Variants in EGLN3 observed in about 807,000 individuals in gnomAD.
EGLN3 encodes the protein egl-9 family hypoxia inducible factor 3.
A neutral mutation model predicts 26.0 loss-of-function variants in EGLN3; 15 were observed. The ratio of observed to expected loss-of-function variants is 0.58; its 90% CI spans 0.39 to 0.89. The LOEUF (loss-of-function observed/expected upper bound fraction) is 0.89. Ranked by LOEUF, EGLN3 falls within the 40% of genes least tolerant of loss-of-function variation. EGLN3 has a pLI of 0.00. For synonymous variants in EGLN3, 147 were observed against 127.2 expected (o/e 1.16, Z -1.05); for missense variants, 238 against 311.6 (o/e 0.76, Z 1.78).
At chr14:33,932,994 TC>T (rs1278770864) in intron 1 of EGLN3, among the ~76,000 whole-genome samples, 1 of 152,178 alleles carries the variant, frequency 6.6e-6, no homozygotes, top group Non-Finnish European at 1.5e-5. Context: ...CAGGCTGGAT[TC>T]CCTATTATCT....
intron 4 of EGLN3, among the ~76,000 whole-genome samples, chr14:33,926,379 C>G (rs2064362570): frequency 6.6e-6 from 1 of 152,138 alleles, no homozygotes; most frequent in South Asian, 2.1e-4. Context: ...TGCTAGTGAG[C>G]AATGTGACTC....
At chr14:33,944,559 A>C (rs1170226143) in intron 1 of EGLN3, among the ~76,000 whole-genome samples, 1 of 152,222 alleles carries the variant, frequency 6.6e-6, no homozygotes, top group African/African-American at 2.4e-5. Context: ...CTAGCCCTAA[A>C]AACCCATATT....
intron 1 of EGLN3, chr14:33,949,008 A>G (rs1594386917): frequency 1.3e-5 from 2 of 152,376 alleles, no homozygotes; most frequent in East Asian, 3.9e-4. Flanking sequence ...AGAAGAATAA[A>G]GAAACACTTT....
rs560209384 is a variant in EGLN3 at position 33,937,312 on chromosome 14, C to T, written c.358-6097G>A. ...CATGAAGAAAATAGTTGTAAGCAAA[C>T]GTGAGCTCTTAGAAAAGTAAGAAAT... On this transcript the variant is annotated intron_variant, in intron 1 of 4. Coordinates refer to ENST00000250457, the MANE Select transcript of EGLN3 (RefSeq NM_022073.4). Among the ~76,000 whole-genome samples, 10 of 152,330 alleles carry T rather than the reference C, an allele frequency of 6.6e-5. No homozygotes were observed. In the East Asian group the frequency reaches 1.7e-3, roughly 26 times the overall value.
At chr14:33,935,948 G>A (rs1397629789) in intron 1 of EGLN3, among the ~76,000 whole-genome samples, 2 of 152,058 alleles carry the variant, frequency 1.3e-5, no homozygotes, top group Non-Finnish European at 2.9e-5. Flanking sequence ...GTAAAGAGTT[G>A]GGGGCTGGGC....
intron 1 of EGLN3, among the ~76,000 whole-genome samples, chr14:33,939,972 C>T (rs920304770): frequency 6.6e-6 from 1 of 152,180 alleles, no homozygotes; most frequent in African/African-American, 2.4e-5. Context: ...CTACCTCATC[C>T]TTGCCTATCA....
chr14:33,933,779 C>T (rs1180019213), intron 1 of EGLN3, among the ~76,000 whole-genome samples: 5 of 151,808 alleles, frequency 3.3e-5, no homozygotes, highest in Admixed American at 6.6e-5. Flanking sequence ...AATTTGTGCA[C>T]GGGGCAGTAA....
rs11156820 is a variant in EGLN3, at chr14:33,939,216, T to G, written c.358-8001A>C. Among the ~76,000 whole-genome samples, 359 of 134,758 alleles carry G rather than the reference T, an allele frequency of 2.7e-3. 4 individuals carry two copies. The highest frequency in any genetic ancestry group is 7.2e-3 in the Middle Eastern group (2 of 278). 88.4% of individuals were successfully genotyped at this position (134,758 alleles called of 152,430 possible). A position where few individuals can be genotyped will look rare whatever the true frequency, so the allele number is the denominator to read the frequency against. On this transcript the variant is annotated intron_variant, in intron 1 of 4. Coordinates refer to ENST00000250457, the MANE Select transcript of EGLN3 (RefSeq NM_022073.4). ...TGCCTTGAAACAATCATCTTTTTTT[T>G]TTTTTCTTTTTTGAGACGGAGTCTC...
chr14:33,930,057 C>T (rs1378032103), intron 2 of EGLN3, among the ~76,000 whole-genome samples: 1 of 152,196 alleles, frequency 6.6e-6, no homozygotes, highest in African/African-American at 2.4e-5. Flanking sequence ...TTTTACATGT[C>T]AACCTATTTC....
intron 1 of EGLN3, among the ~76,000 whole-genome samples, chr14:33,936,974 C>A (rs555308765): frequency 3.8e-4 from 58 of 152,342 alleles, no homozygotes; most frequent in African/African-American, 1.4e-3. Flanking sequence ...ACTACTTCAA[C>A]CTTCTATCAT....
chr14:33,931,217 T>G lies in EGLN3; in HGVS notation c.358-2A>C. On this transcript the variant is annotated splice_acceptor_variant, in intron 1 of 4. Coordinates refer to ENST00000250457, the MANE Select transcript of EGLN3 (RefSeq NM_022073.4). LOFTEE classifies it high-confidence loss of function. ...TCCCGGATAGCAAGCCACCATTGCC[T>G]ATGGAGAAATCCCAAGAAAGCTGGT... 6.2e-7 allele frequency: 1 copy of G among 1,614,120 alleles called. No individual in the cohort carries two copies. The highest frequency in any genetic ancestry group is 8.5e-7 in the Non-Finnish European group (1 of 1,179,992).
chr14:33,932,432 C>CGTTTGAGTA, intron 1 of EGLN3, among the ~76,000 whole-genome samples: 1 of 151,984 alleles, frequency 6.6e-6, no homozygotes, highest in East Asian at 1.9e-4. Flanking sequence ...GTAAAATGAC[C>CGTTTGAGTA]GTTTGAGTAG....
At chr14:33,931,299 A>C in intron 1 of EGLN3, 84 bp from the exon 2 acceptor site, 1 of 1,585,956 alleles carries the variant, frequency 6.3e-7, no homozygotes, top group Non-Finnish European at 8.6e-7. Flanking sequence ...TAAGTAACAC[A>C]GTCTCCTTGG....
chr14:33,928,553 C>T, intron 3 of EGLN3, among the ~76,000 whole-genome samples: 1 of 152,116 alleles, frequency 6.6e-6, no homozygotes, highest in South Asian at 2.1e-4. Flanking sequence ...ATAAAACATC[C>T]AACTGTTGGA....
chr14:33,929,163 G>C lies in EGLN3; in HGVS notation c.527C>G (p.Ala176Gly), dbSNP rs1452188979. 2 of 1,614,192 alleles carry C rather than the reference G, an allele frequency of 1.2e-6. No homozygotes were observed. Among genetic ancestry groups the C allele is most frequent in the Non-Finnish European group, 1.7e-6 (2 of 1,180,032 alleles). ...TCTGTCAAAAATGGGCTCCACATCT[G>C]CTATGAATGATTTCCCCTCTGGAAA... ...RIFPEGKSFI[A>G]DVEPIFDRLL... Residue 176 changes from alanine to glycine, a missense_variant, in exon 3 of 5, where the codon GCA becomes GGA. Physicochemically the swap from Ala to Gly is moderately conservative, Grantham distance 60. Coordinates refer to ENST00000250457, the MANE Select transcript of EGLN3 (RefSeq NM_022073.4).
At position 33,925,783 on chromosome 14, in the gene EGLN3, G is replaced by T; in HGVS notation, c.*108C>A. On this transcript the variant is annotated 3_prime_UTR_variant, in exon 5 of 5. Transcript: ENST00000250457. ...AGGGATGTGAAGGATGCAAGAAGTAGCAGGGAGATTGTTGTCACTGAAGAG... is the reference window on the plus strand; with the variant it reads ...AGGGATGTGAAGGATGCAAGAAGTATCAGGGAGATTGTTGTCACTGAAGAG... The T allele has an allele frequency of 1.6e-6, 2 of 1,263,108 alleles. No individual in the cohort carries two copies. The highest frequency in any genetic ancestry group is 2.3e-6 in the Non-Finnish European group (2 of 868,820). The allele number at this position is 1,263,108 out of a possible 1,614,324, so 78.2% of individuals were successfully genotyped here.
chr14:33,925,756 A>G lies in EGLN3; in HGVS notation c.*135T>C. On this transcript the variant is annotated 3_prime_UTR_variant, in exon 5 of 5. Transcript: ENST00000250457. The stretch of plus-strand genomic sequence containing the variant: ...GAAAACATGAAGTACCACACACAAG[A>G]CAGGGATGTGAAGGATGCAAGAAGT... 1.0e-6 allele frequency: 1 copy of G among 971,076 alleles called. No homozygotes were observed. The highest frequency in any genetic ancestry group is 2.0e-5 in the Admixed American group (1 of 50,338). 60.2% of individuals were successfully genotyped at this position (971,076 alleles called of 1,614,324 possible). A position where few individuals can be genotyped will look rare whatever the true frequency, so the allele number is the denominator to read the frequency against.
intron 2 of EGLN3, among the ~76,000 whole-genome samples, chr14:33,930,852 C>A (rs935013894): frequency 6.6e-6 from 1 of 152,144 alleles, no homozygotes; most frequent in African/African-American, 2.4e-5. Context: ...TCATCAACCA[C>A]CCTTCCCAGA....
At position 33,924,658 on chromosome 14, in the gene EGLN3, GA is replaced by G. The variant is rs1485175418; in HGVS notation, c.*1232del. 6.6e-6 allele frequency: 1 copy of G among 152,022 alleles called. No homozygotes were observed. Among genetic ancestry groups the G allele is most frequent in the East Asian group, 1.9e-4 (1 of 5,198 alleles). The allele number at this position is 152,022 out of a possible 1,614,324, so 9.4% of individuals were successfully genotyped here. On this transcript the variant is annotated 3_prime_UTR_variant, in exon 5 of 5. Coordinates refer to ENST00000250457, the MANE Select transcript of EGLN3 (RefSeq NM_022073.4). ...ACATGAAAGTAATACTGAAAACTAG[GA>G]AAAGTAGCTTTTGCAAAATACGTGC...
Sources: allele counts gnomAD v4.1 joint callset (sites outside exome capture counted in the v4.1 genomes callset), GRCh38; gene constraint gnomAD v4.1.1; transcripts MANE v1.5; gene names NCBI Gene and HGNC (gene_info 2026-07-23, HGNC 2026-07-21).